PRR12: variants seen among roughly 807,000 people sequenced by gnomAD.
PRR12 encodes the protein proline rich 12.
A neutral mutation model predicts 138.0 loss-of-function variants in PRR12; 12 were observed. The observed-to-expected ratio is 0.09, with a 90% confidence interval of 0.06 to 0.14. The LOEUF is 0.14. PRR12 is among the 10% of genes least tolerant of loss of function. The pLI is 1.00. For missense variants in PRR12, 2,692 were observed against 2,861.3 expected, an observed-to-expected ratio of 0.94 and a Z score of 1.35; for synonymous variants, 1,567 against 1,291.7, an observed-to-expected ratio of 1.21 and a Z score of -4.57.
At chr19:49,612,430 C>T (rs1234468194) in intron 6 of PRR12, among the ~76,000 whole-genome samples, 4 of 151,660 alleles carry the variant, frequency 2.6e-5, no homozygotes, top group Admixed American at 6.6e-5. Context: ...GTTTGGGGAA[C>T]GGGCAAGGCT....
chr19:49,612,241 A>C (rs2080870682), intron 6 of PRR12, among the ~76,000 whole-genome samples: 1 of 151,762 alleles, frequency 6.6e-6, no homozygotes, highest in Non-Finnish European at 1.5e-5. Context: ...AAAAAAAAAA[A>C]AAAAAAGCTT....
rs2080955255 is a variant in PRR12, at chr19:49,626,231, C to T, written c.*624C>T. ...TACGGCGATTTGTCTGTGTCTGGCC[C>T]CCACCCACTGCCCATCCCCCATTGT... On this transcript the variant is annotated 3_prime_UTR_variant, in exon 14 of 14. Transcript: ENST00000418929. The T allele has an allele frequency of 6.6e-6, 1 of 152,062 alleles. No homozygotes were observed. Among genetic ancestry groups the T allele is most frequent in the Non-Finnish European group, 1.5e-5 (1 of 68,030 alleles). 9.4% of individuals were successfully genotyped at this position (152,062 alleles called of 1,614,324 possible). A position where few individuals can be genotyped will look rare whatever the true frequency, so the allele number is the denominator to read the frequency against.
Position 49,594,622 on chromosome 19 carries a change from C to A in PRR12, c.361+7C>A. 1 of 1,611,638 alleles carries A rather than the reference C, an allele frequency of 6.2e-7. No individual in the cohort carries two copies. Among genetic ancestry groups the A allele is most frequent in the Non-Finnish European group, 8.5e-7 (1 of 1,179,518 alleles). ...AGTCCTTCCTGGCAAACAGGTAAGCCCAGCGCCGGCCCTGCAGGGCCAGGG... is the reference window on the plus strand; with the variant it reads ...AGTCCTTCCTGGCAAACAGGTAAGCACAGCGCCGGCCCTGCAGGGCCAGGG... On this transcript the variant is annotated splice_region_variant and intron_variant, in intron 3 of 13. Transcript: ENST00000418929. The surrounding 1 kb of genome is among the most constrained non-coding windows in gnomAD (Gnocchi z 5.6).
chr19:49,593,389 A>T lies in PRR12; in HGVS notation c.149A>T (p.Tyr50Phe). The T allele has an allele frequency of 6.2e-7, 1 of 1,605,604 alleles. No homozygotes were observed. The highest frequency in any genetic ancestry group is 8.5e-7 in the Non-Finnish European group (1 of 1,176,690). ...PETDILHRQA[Y>F]AAPHPLQSYA... ...ACGGACATCTTACACCGCCAGGCCTATGCGGCCCCCCACCCACTGCAAAGC... is the reference window on the plus strand; with the variant it reads ...ACGGACATCTTACACCGCCAGGCCTTTGCGGCCCCCCACCCACTGCAAAGC... The change falls in exon 2 of 14, where the codon TAT becomes TTT. Residue 50 changes from tyrosine (Y) to phenylalanine (F), a missense_variant. This residue lies in a region of PRR12 where 211 missense variants were observed against 266.3 expected (regional missense o/e 0.79). Transcript: ENST00000418929.
rs150863848 is a variant in PRR12 at position 49,625,131 on chromosome 19, G to A, written c.5895G>A (p.Ser1965=). The A allele has an allele frequency of 5.3e-4, 863 of 1,613,662 alleles. 6 individuals are homozygous for A. Among genetic ancestry groups the A allele is most frequent in the South Asian group, 4.7e-3 (431 of 91,076 alleles). ...AQEFKVELEK[S]GYYTLYHSLH... ...AGTTCAAGGTTGAGCTGGAAAAGTC[G>A]GGATACTATACACTCTACCATTCGC... is the stretch of plus-strand genomic sequence containing the variant. Residue 1965 remains serine (S), a synonymous_variant, in exon 13 of 14, where the codon TCG becomes TCA. Transcript: ENST00000418929. The surrounding 1 kb of genome is among the most constrained non-coding windows in gnomAD (Gnocchi z 5.5).
intron 6 of PRR12, among the ~76,000 whole-genome samples, chr19:49,605,854 T>C (rs920263419): frequency 3.3e-5 from 5 of 152,194 alleles, no homozygotes; most frequent in South Asian, 4.1e-4. Flanking sequence ...TGCATTATAA[T>C]GGGGGCAAAG....
In PRR12 at chr19:49,595,141, C is replaced by T. The variant is rs758553555; in HGVS notation, c.806C>T (p.Ser269Leu). Residue 269 changes from serine to leucine, a missense_variant, in exon 4 of 14, where the codon TCG becomes TTG. Ser to Leu is a moderately radical substitution (Grantham distance 145, BLOSUM62 -2). This residue lies in a region of PRR12 where 523 missense variants were observed against 496.4 expected (regional missense o/e 1.05). Coordinates refer to ENST00000418929, the MANE Select transcript of PRR12 (RefSeq NM_020719.3). ...EQSSPQLYNFSGAAPGPPPPE... is the reference protein window; with the variant it reads ...EQSSPQLYNFLGAAPGPPPPE... ...TCCTCCCCACAGCTCTATAACTTCT[C>T]GGGTGCTGCCCCGGGCCCACCGCCG... 1.7e-5 allele frequency: 27 copies of T among 1,611,614 alleles called. No individual in the cohort carries two copies. Among genetic ancestry groups the T allele is most frequent in the Middle Eastern group, 1.6e-4 (1 of 6,076 alleles).
Position 49,591,672 on chromosome 19 carries a change from C to T in PRR12, c.18C>T (p.Pro6=). The T allele has an allele frequency of 2.0e-6, 3 of 1,469,572 alleles. No individual in the cohort carries two copies. Among genetic ancestry groups the T allele is most frequent in the Non-Finnish European group, 2.7e-6 (3 of 1,106,200 alleles). The allele number at this position is 1,469,572 out of a possible 1,614,324, so 91.0% of individuals were successfully genotyped here. MDRNY[P]SAGFGDPLGA... ...GCCAATTCATGGACAGGAACTACCC[C>T]AGCGCCGGCTTCGGGGACCCGCTCG... Residue 6 remains proline, a synonymous_variant, in exon 1 of 14, where the codon CCC becomes CCT. Transcript: ENST00000418929.
rs983306345 is a variant in PRR12 at position 49,597,901 on chromosome 19, C to T, written c.3566C>T (p.Ser1189Leu). 9.9e-6 allele frequency: 14 copies of T among 1,416,760 alleles called. No individual in the cohort carries two copies. The highest frequency in any genetic ancestry group is 2.3e-4 in the Middle Eastern group (1 of 4,304). The allele number at this position is 1,416,760 out of a possible 1,614,324, so 87.8% of individuals were successfully genotyped here. Residue 1189 changes from serine (S) to leucine (L), a missense_variant, in exon 4 of 14, where the codon TCG becomes TTG. Around this residue, in one of 11 missense-constraint regions of PRR12, gnomAD observed 326 missense variants for 344.2 expected, o/e 0.95. Transcript: ENST00000418929. The surrounding 1 kb of genome is among the most constrained non-coding windows in gnomAD (Gnocchi z 6.3). ...GTCCCGACCACTGCGGGGCCCGCCT[C>T]GGCCTCCACGCCCACCGATGGCGCC... ...LEVPTTAGPASASTPTDGAKK... is the reference protein window; with the variant it reads ...LEVPTTAGPALASTPTDGAKK...
At chr19:49,604,804 A>G (rs1006924673) in intron 6 of PRR12, among the ~76,000 whole-genome samples, 7 of 152,284 alleles carry the variant, frequency 4.6e-5, no homozygotes, top group African/African-American at 1.7e-4. Context: ...TTTTACAGGG[A>G]TGGAAACTGA....
rs949561887 is a variant in PRR12 at position 49,594,342 on chromosome 19, C to T, written c.200-112C>T. On this transcript the variant is annotated intron_variant, in intron 2 of 13. Transcript: ENST00000418929. This position sits in a 1 kb window ranked among gnomAD's most constrained non-coding sequence, Gnocchi z 5.6. ...CTTGTTTTTGAATTTGCCCTTTTCT[C>T]TCCCATCCCCTCCTTTTCCTGATCC... 4.7e-6 allele frequency: 5 copies of T among 1,069,952 alleles called. No individual in the cohort carries two copies. Among genetic ancestry groups the T allele is most frequent in the African/African-American group, 3.2e-5 (2 of 62,256 alleles). 66.3% of individuals were successfully genotyped at this position (1,069,952 alleles called of 1,614,324 possible).
intron 6 of PRR12, among the ~76,000 whole-genome samples, chr19:49,602,957 C>A (rs1339132932): frequency 6.6e-6 from 1 of 152,272 alleles, no homozygotes; most frequent in Admixed American, 6.5e-5. Context: ...AAAACTATGG[C>A]CCCTAGGCCA....
At chr19:49,612,769 A>T (rs2080873224) in intron 6 of PRR12, among the ~76,000 whole-genome samples, 1 of 151,914 alleles carries the variant, frequency 6.6e-6, no homozygotes, top group East Asian at 2.0e-4. Flanking sequence ...GGTTCAAGTG[A>T]TTCTCCTTCC....
chr19:49,624,908 G>C lies in PRR12; in HGVS notation c.5786G>C (p.Gly1929Ala), dbSNP rs2122389471. Residue 1929 changes from glycine (G) to alanine (A), a missense_variant, in exon 12 of 14, where the codon GGG (glycine) becomes GCG (alanine). By Grantham distance (60) the Gly-to-Ala change is moderately conservative. This residue lies in a region of PRR12 where 116 missense variants were observed against 243.4 expected (regional missense o/e 0.48). Coordinates refer to ENST00000418929, the MANE Select transcript of PRR12 (RefSeq NM_020719.3). ...AGTGGGGAGGGCTCTCCGGAAGAGGGGGCTGTGCGGCTGCGGCCTGCTGGG... is the reference window on the plus strand; with the variant it reads ...AGTGGGGAGGGCTCTCCGGAAGAGGCGGCTGTGCGGCTGCGGCCTGCTGGG... The part of the protein sequence containing the change: ...EQSGEGSPEE[G>A]AVRLRPAGEP... 6.2e-7 allele frequency: 1 copy of C among 1,607,866 alleles called. No individual in the cohort carries two copies. The highest frequency in any genetic ancestry group is 2.2e-5 in the East Asian group (1 of 44,842).
chr19:49,593,516 C>T, intron 2 of PRR12, 77 bp downstream of exon 2: 1 of 668,720 alleles, frequency 1.5e-6, no homozygotes, highest in South Asian at 1.6e-5. Flanking sequence ...GTTGAAAGTT[C>T]CGCCCCTCCT....
intron 8 of PRR12, among the ~76,000 whole-genome samples, chr19:49,615,231 G>T (rs950687670): frequency 6.6e-6 from 1 of 150,708 alleles, no homozygotes; most frequent in Non-Finnish European, 1.5e-5. Context: ...ACCCAGAGGT[G>T]GGGGGACAGA....
chr19:49,625,379 A>G lies in PRR12; in HGVS notation c.5965-82A>G. ...TCTCCCTGGGACACTGACATCTGAC[A>G]CCCCAGGCCCCATGCCCCAGCCCCT... is the stretch of plus-strand genomic sequence containing the variant. On this transcript the variant is annotated intron_variant, in intron 13 of 13. Coordinates refer to ENST00000418929, the MANE Select transcript of PRR12 (RefSeq NM_020719.3). The surrounding 1 kb of genome is among the most constrained non-coding windows in gnomAD (Gnocchi z 5.5). The G allele has an allele frequency of 2.7e-6, 4 of 1,465,176 alleles. No homozygotes were observed. The South Asian group carries it at 5.3e-5, about 19-fold the overall frequency. 90.8% of individuals were successfully genotyped at this position (1,465,176 alleles called of 1,614,324 possible). A position where few individuals can be genotyped will look rare whatever the true frequency, so the allele number is the denominator to read the frequency against.
At position 49,596,736 on chromosome 19, in the gene PRR12, C is replaced by T. The variant is rs769383789; in HGVS notation, c.2401C>T (p.Leu801=). The T allele has an allele frequency of 4.4e-6, 7 of 1,604,400 alleles. No homozygotes were observed. In the Admixed American group the frequency reaches 8.4e-5, roughly 19 times the overall value. The change falls in exon 4 of 14, where the codon CTG becomes TTG. Residue 801 remains leucine, a synonymous_variant. Coordinates refer to ENST00000418929, the MANE Select transcript of PRR12 (RefSeq NM_020719.3). The surrounding 1 kb of genome is among the most constrained non-coding windows in gnomAD (Gnocchi z 5.6). ...GGTGCTGCCTCCGCCTCCCCCCCAG[C>T]TGCTCCCCTCGGTCCTCAGCCATGC... The part of the protein sequence containing the change: ...PLVLPPPPPQ[L]LPSVLSHAPS...
At chr19:49,593,934 G>T (rs1013297445) in intron 2 of PRR12, among the ~76,000 whole-genome samples, 7 of 152,084 alleles carry the variant, frequency 4.6e-5, no homozygotes, top group Non-Finnish European at 1.0e-4. Context: ...AGGGGTACTG[G>T]TAATGACATG....
Sources: gnomAD v4.1 joint callset for allele counts (sites outside exome capture counted in the v4.1 genomes callset) on GRCh38, gnomAD v4.1.1 for gene constraint, gnomAD v4.1.1 regional missense constraint, Gnocchi (gnomAD v3.1) non-coding constraint, MANE v1.5 for transcripts, NCBI Gene and HGNC (gene_info 2026-07-23, HGNC 2026-07-21) for gene names.